Variants in AGAP1 observed in about 807,000 individuals in gnomAD.
AGAP1 encodes ArfGAP with GTPase domain, ankyrin repeat and PH domain 1.
A neutral mutation model predicts 105.3 loss-of-function variants in AGAP1; 29 were observed. The ratio of observed to expected loss-of-function variants is 0.28; its 90% confidence interval spans 0.21 to 0.38. The LOEUF (loss-of-function observed/expected upper bound fraction) is 0.38, where lower values mean the gene tolerates loss of function less well. Among genes scored for constraint, AGAP1 ranks in the 10% least tolerant of loss-of-function variants. The pLI, the probability that AGAP1 is intolerant of heterozygous loss-of-function variation, is 1.00. For synonymous variants in AGAP1, 509 were observed against 485.9 expected, an observed-to-expected ratio of 1.05 and a Z score of -0.63; for missense variants, 998 against 1,165.1, an observed-to-expected ratio of 0.86 and a Z score of 2.09.
At position 235,994,932 on chromosome 2, in the gene AGAP1, TG is replaced by T. The variant is rs2055729520; in HGVS notation, c.1645+26311del. On this transcript the variant is annotated intron_variant, in intron 13 of 17. Coordinates refer to ENST00000304032, the MANE Select transcript of AGAP1 (RefSeq NM_001037131.3). This position sits in a 1 kb window ranked among gnomAD's most constrained non-coding sequence, Gnocchi z 4.4. ...ATACAAAAACATTAGCCAAGCGTGG[TG>T]GTAGGCGCCTGTAATCGCAGCTACT... is the stretch of plus-strand genomic sequence containing the variant. Among the ~76,000 whole-genome samples, 1 of 150,630 alleles carries T rather than the reference TG, an allele frequency of 6.6e-6. No homozygotes were observed. The highest frequency in any genetic ancestry group is 1.5e-5 in the Non-Finnish European group (1 of 67,686).
At position 235,736,234 on chromosome 2, in the gene AGAP1, G is replaced by A. The variant is rs149208470; in HGVS notation, c.311-4729G>A. Among the ~76,000 whole-genome samples, 875 of 152,122 alleles carry A rather than the reference G, an allele frequency of 5.8e-3. 4 individuals are homozygous for A. Among genetic ancestry groups the A allele is most frequent in the Middle Eastern group, 0.01 (3 of 294 alleles). ...GAGGTGCTGTGGTTCCAGGGTGGGC[G>A]CTGGTCCCTTCCCACGGAGCTCGCC... is the stretch of plus-strand genomic sequence containing the variant. On this transcript the variant is annotated intron_variant, in intron 3 of 17. Coordinates refer to ENST00000304032, the MANE Select transcript of AGAP1 (RefSeq NM_001037131.3). The surrounding 1 kb of genome is among the most constrained non-coding windows in gnomAD (Gnocchi z 5.5).
At position 235,734,465 on chromosome 2, in the gene AGAP1, CAGTG is replaced by C. The variant is rs1437265641; in HGVS notation, c.311-6497_311-6494del. Among the ~76,000 whole-genome samples, 1 of 151,082 alleles carries C rather than the reference CAGTG, an allele frequency of 6.6e-6. No homozygotes were observed. Among genetic ancestry groups the C allele is most frequent in the Non-Finnish European group, 1.5e-5 (1 of 67,916 alleles). On this transcript the variant is annotated intron_variant, in intron 3 of 17. Coordinates refer to ENST00000304032, the MANE Select transcript of AGAP1 (RefSeq NM_001037131.3). This position sits in a 1 kb window ranked among gnomAD's most constrained non-coding sequence, Gnocchi z 5.3. The stretch of plus-strand genomic sequence containing the variant: ...TCCCCTCTCTGATGGCAAAGGGAAA[CAGTG>C]GGCTCTACACATGGAGCTTTGAAGT...
chr2:235,730,316 G>A (rs1951871621), intron 3 of AGAP1, among the ~76,000 whole-genome samples: 1 of 152,046 alleles, frequency 6.6e-6, no homozygotes, highest in South Asian at 2.1e-4. Context: ...GCACTCTGCT[G>A]TCCCACTTGC....
intron 6 of AGAP1, among the ~76,000 whole-genome samples, chr2:235,772,432 C>T (rs1955533575): frequency 6.6e-6 from 1 of 152,226 alleles, no homozygotes; most frequent in Non-Finnish European, 1.5e-5. Flanking sequence ...CCAGCAGGCG[C>T]ATGTATTCCA....
At chr2:235,822,070 C>G (rs182845005) in intron 9 of AGAP1, among the ~76,000 whole-genome samples, 7 of 152,310 alleles carry the variant, frequency 4.6e-5, no homozygotes, top group African/African-American at 1.4e-4. Flanking sequence ...TTGGACAAGG[C>G]GAGACCTATT....
At chr2:235,717,776 C>A in intron 3 of AGAP1, 132 bp downstream of exon 3, 1 of 755,960 alleles carries the variant, frequency 1.3e-6, no homozygotes, top group South Asian at 1.8e-5. Context: ...CGGTAAAAAC[C>A]CTTAAGTATG....
Position 235,872,639 on chromosome 2 carries a change from G to T in AGAP1, c.1051-10706G>T, listed in dbSNP as rs891087543. 6.6e-6 allele frequency among the ~76,000 whole-genome samples: 1 copy of T among 152,100 alleles called. No individual in the cohort carries two copies. The highest frequency in any genetic ancestry group is 2.4e-5 in the African/African-American group (1 of 41,402). Reference sequence around the variant, plus strand: ...TATTTTTAGGGTTTTCCATTTTCTTGGTCCTTAGAGTAGGAAGTGTGAAAG... The same window carrying T: ...TATTTTTAGGGTTTTCCATTTTCTTTGTCCTTAGAGTAGGAAGTGTGAAAG... On this transcript the variant is annotated intron_variant, in intron 9 of 17. Coordinates refer to ENST00000304032, the MANE Select transcript of AGAP1 (RefSeq NM_001037131.3). The surrounding 1 kb of genome is among the most constrained non-coding windows in gnomAD (Gnocchi z 4.5).
At chr2:236,024,034 G>GTT (rs1164008066) in intron 13 of AGAP1, among the ~76,000 whole-genome samples, 12 of 129,096 alleles carry the variant, frequency 9.3e-5, no homozygotes, top group East Asian at 2.3e-4. Flanking sequence ...TTTTTTTTTT[G>GTT]TTTTTTTTTT....
At chr2:236,074,868 C>T (rs574988092) in intron 16 of AGAP1, among the ~76,000 whole-genome samples, 15 of 152,134 alleles carry the variant, frequency 9.9e-5, no homozygotes, top group African/African-American at 3.4e-4. Context: ...CAGCCTGGAC[C>T]GCATGGCAAA....
rs1170388771 is a variant in AGAP1, at chr2:235,639,785, C to T, written c.164-69394C>T. ...AGACCATCCAGTTTTGCTTCTCAGG[C>T]TCTGAAAAACACTTTTAAGAGCAGG... On this transcript the variant is annotated intron_variant, in intron 1 of 17. Coordinates refer to ENST00000304032, the MANE Select transcript of AGAP1 (RefSeq NM_001037131.3). The surrounding 1 kb of genome is among the most constrained non-coding windows in gnomAD (Gnocchi z 5.3). Among the ~76,000 whole-genome samples the T allele has an allele frequency of 6.6e-6, 1 of 152,156 alleles. No individual in the cohort carries two copies. Among genetic ancestry groups the T allele is most frequent in the African/African-American group, 2.4e-5 (1 of 41,442 alleles).
rs1254798286 is a variant in AGAP1 at position 235,994,493 on chromosome 2, T to C, written c.1645+25870T>C. On this transcript the variant is annotated intron_variant, in intron 13 of 17. Coordinates refer to ENST00000304032, the MANE Select transcript of AGAP1 (RefSeq NM_001037131.3). The surrounding 1 kb of genome is among the most constrained non-coding windows in gnomAD (Gnocchi z 4.4). ...GACAGCGTTAAGGGGGTCGTTTCTT[T>C]CTGGTTTGAAAGTTGAGAAGTAGGT... Among the ~76,000 whole-genome samples the C allele has an allele frequency of 6.6e-6, 1 of 152,182 alleles. No individual in the cohort carries two copies. Among genetic ancestry groups the C allele is most frequent in the African/African-American group, 2.4e-5 (1 of 41,444 alleles).
chr2:236,117,102 C>T (rs1341295747), intron 16 of AGAP1, among the ~76,000 whole-genome samples: 1 of 152,104 alleles, frequency 6.6e-6, no homozygotes, highest in Non-Finnish European at 1.5e-5. Flanking sequence ...ACTTCTTTTC[C>T]TCTGAGTGGG....
intron 16 of AGAP1, among the ~76,000 whole-genome samples, chr2:236,116,357 C>CTTTTTTTTTTTTTTTTTTT (rs371846381): frequency 3.1e-5 from 4 of 129,142 alleles, no homozygotes; most frequent in Non-Finnish European, 6.6e-5. Flanking sequence ...TAATTAAGTT[C>CTTTTTTTTTTTTTTTTTTT]TTTTTTTTTT....
chr2:235,570,959 G>T (rs1317158449), intron 1 of AGAP1, among the ~76,000 whole-genome samples: 1 of 152,230 alleles, frequency 6.6e-6, no homozygotes, highest in Non-Finnish European at 1.5e-5. Flanking sequence ...TCACAGTTCT[G>T]CAGGCTGTAC....
In AGAP1 at chr2:236,022,649, C is replaced by T. The variant is rs575074436; in HGVS notation, c.1646-13912C>T. The stretch of plus-strand genomic sequence containing the variant: ...TCCAGGGTTCAAGTGATTTTCATGC[C>T]TCGGCCTCCTGAGTAGCTGGGATTA... On this transcript the variant is annotated intron_variant, in intron 13 of 17. Transcript: ENST00000304032. Among the ~76,000 whole-genome samples, 16 of 152,244 alleles carry T rather than the reference C, an allele frequency of 1.1e-4. No individual in the cohort carries two copies. The East Asian group carries it at 1.2e-3, about 11-fold the overall frequency.
At chr2:235,810,048 G>A (rs1034864174) in intron 9 of AGAP1, among the ~76,000 whole-genome samples, 2 of 152,126 alleles carry the variant, frequency 1.3e-5, no homozygotes, top group African/African-American at 4.8e-5. Context: ...CTATGTCTGC[G>A]CTCTCTCCAC....
Position 235,792,685 on chromosome 2 carries a change from C to T in AGAP1, c.674-5074C>T, listed in dbSNP as rs76236529. Among the ~76,000 whole-genome samples, 2,948 of 152,250 alleles carry T rather than the reference C, an allele frequency of 0.019. 85 individuals are homozygous for T. The highest frequency in any genetic ancestry group is 0.067 in the African/African-American group (2,804 of 41,550). On this transcript the variant is annotated intron_variant, in intron 6 of 17. Coordinates refer to ENST00000304032, the MANE Select transcript of AGAP1 (RefSeq NM_001037131.3). This position sits in a 1 kb window ranked among gnomAD's most constrained non-coding sequence, Gnocchi z 5.3. ...GGTCTGTTCTGTCCATGGTGAAGAG[C>T]GGGTTGTGCCATCGACTGAGCTAGA...
intron 12 of AGAP1, among the ~76,000 whole-genome samples, chr2:235,954,239 CAA>C (rs34138034): frequency 0.53 from 68,056 of 127,876 alleles, 16,564 homozygotes; most frequent in South Asian, 0.64. Context: ...ACTCTGCCTC[CAA>C]AAAAAAAAAA....
chr2:235,938,743 C>G (rs911764964), intron 12 of AGAP1, among the ~76,000 whole-genome samples: 1 of 152,054 alleles, frequency 6.6e-6, no homozygotes, highest in Non-Finnish European at 1.5e-5. Context: ...AGAAAGACAT[C>G]GGCACACTGG....
Sources: gnomAD v4.1 joint callset for allele counts (sites outside exome capture counted in the v4.1 genomes callset) on GRCh38, gnomAD v4.1.1 for gene constraint, Gnocchi (gnomAD v3.1) non-coding constraint, MANE v1.5 for transcripts, NCBI Gene and HGNC (gene_info 2026-07-23, HGNC 2026-07-21) for gene names.